NUP210L: variants seen among roughly 807,000 people sequenced by gnomAD.
NUP210L encodes the protein nucleoporin 210 like, also known as nuclear pore membrane glycoprotein 210-like.
A neutral mutation model predicts 208.5 loss-of-function variants in NUP210L; 74 were observed. The ratio of observed to expected loss-of-function variants is 0.35; its 90% CI spans 0.29 to 0.43. NUP210L has a LOEUF of 0.43. Ranked by LOEUF, NUP210L falls within the 20% of genes least tolerant of loss-of-function variation. The pLI is 1.00. For missense variants in NUP210L, 1,843 were observed against 2,289.4 expected (o/e 0.81, Z 3.98); for synonymous variants, 780 against 816.9 (o/e 0.95, Z 0.77).
chr1:154,010,348 C>T (rs1278770459), intron 34 of NUP210L, among the ~76,000 whole-genome samples: 2 of 152,048 alleles, frequency 1.3e-5, no homozygotes, highest in Non-Finnish European at 2.9e-5. Flanking sequence ...CAATGTCATA[C>T]ATAGGTAGTG....
chr1:154,123,757 A>G (rs1311379014), intron 10 of NUP210L, among the ~76,000 whole-genome samples: 1 of 151,910 alleles, frequency 6.6e-6, no homozygotes, highest in East Asian at 1.9e-4. Flanking sequence ...ATGATCCTGT[A>G]TTCCCAGCTA....
intron 13 of NUP210L, 85 bp downstream of exon 13, chr1:154,103,921 TAAAGAC>T: frequency 9.9e-7 from 1 of 1,014,718 alleles, no homozygotes; most frequent in Non-Finnish European, 1.5e-6. Flanking sequence ...ATTGCTTCCT[TAAAGAC>T]AAAGAAAGTA....
exon 35 of NUP210L, chr1:154,009,998 A>T (rs1650810331): frequency 6.2e-7 from 1 of 1,612,912 alleles, no homozygotes; most frequent in East Asian, 2.2e-5. Flanking sequence ...ATCTGAATGG[A>T]CCTGAAAGAC....
At chr1:154,148,836 C>T (rs1329289743) in intron 2 of NUP210L, among the ~76,000 whole-genome samples, 1 of 151,994 alleles carries the variant, frequency 6.6e-6, no homozygotes, top group Non-Finnish European at 1.5e-5. Context: ...GTAGAATTAC[C>T]ACTAAGGAAG....
intron 37 of NUP210L, among the ~76,000 whole-genome samples, chr1:153,998,050 G>A (rs576796505): frequency 9.9e-5 from 15 of 151,862 alleles, no homozygotes; most frequent in Non-Finnish European, 1.9e-4. Context: ...AAATCTGGCA[G>A]TAGGAACATG....
intron 22 of NUP210L, among the ~76,000 whole-genome samples, chr1:154,057,689 AATGTGTGT>A (rs1653939263): frequency 1.4e-5 from 1 of 70,346 alleles, no homozygotes; most frequent in South Asian, 6.7e-4. Context: ...GAGGACCTCG[AATGTGTGT>A]GTGTGTGTGT....
chr1:154,066,017 G>C (rs1654398613), intron 17 of NUP210L, among the ~76,000 whole-genome samples: 1 of 151,692 alleles, frequency 6.6e-6, no homozygotes, highest in Admixed American at 6.6e-5. Flanking sequence ...ACCTGCTCCT[G>C]AATGACTACC....
rs763269556 is a variant in NUP210L, at chr1:154,143,590, CA to C, written c.341-14del. ...TCATGGTCAGTCACTACAATGAACC[CA>C]AAAACTGAGTATTTAATTCAATAGG... On this transcript the variant is annotated splice_polypyrimidine_tract_variant and intron_variant, in intron 2 of 39. Transcript: ENST00000368559. 5 of 1,604,520 alleles carry C rather than the reference CA, an allele frequency of 3.1e-6. No homozygotes were observed. Among genetic ancestry groups the C allele is most frequent in the Non-Finnish European group, 4.3e-6 (5 of 1,175,432 alleles).
chr1:154,003,000 C>CTTAGCTGTCT (rs1553218917), intron 35 of NUP210L, among the ~76,000 whole-genome samples: 1 of 148,452 alleles, frequency 6.7e-6, no homozygotes, highest in Non-Finnish European at 1.5e-5. Context: ...ATGATTAATC[C>CTTAGCTGTCT]TTAGCTGTCT....
At chr1:154,082,000 A>G (rs1655359444) in intron 16 of NUP210L, among the ~76,000 whole-genome samples, 1 of 152,172 alleles carries the variant, frequency 6.6e-6, no homozygotes, top group South Asian at 2.1e-4. Flanking sequence ...AAAACATTGG[A>G]CACCAAAACT....
At chr1:154,115,045 C>T (rs1299750043) in intron 12 of NUP210L, among the ~76,000 whole-genome samples, 1 of 152,206 alleles carries the variant, frequency 6.6e-6, no homozygotes, top group East Asian at 1.9e-4. Flanking sequence ...TCCTGCTATT[C>T]TCAATACCAT....
chr1:154,136,911 ATCCATCTC>A (rs1658575467), intron 6 of NUP210L, among the ~76,000 whole-genome samples: 1 of 103,658 alleles, frequency 9.6e-6, no homozygotes, highest in African/African-American at 3.8e-5. Flanking sequence ...CAGAGTGAGA[ATCCATCTC>A]AAAAAAAAAA....
intron 12 of NUP210L, among the ~76,000 whole-genome samples, chr1:154,114,191 C>T (rs1232787331): frequency 6.6e-6 from 1 of 151,846 alleles, no homozygotes; most frequent in African/African-American, 2.4e-5. Flanking sequence ...GTCCCAGCTA[C>T]TTGGAAGGCT....
In NUP210L at chr1:154,005,568, C is replaced by G. The variant is rs1053514126; in HGVS notation, c.4931-3583G>C. Among the ~76,000 whole-genome samples, 12 of 151,226 alleles carry G rather than the reference C, an allele frequency of 7.9e-5. No individual in the cohort carries two copies. In the East Asian group the frequency reaches 9.9e-4, roughly 12 times the overall value. On this transcript the variant is annotated intron_variant, in intron 35 of 39. Transcript: ENST00000368559. ...GTTTGTTTTTTGAGATGGAGTTTTG[C>G]TCCTGTTGCCTAGGCTGGAGTGCAA...
chr1:154,029,957 T>C, exon 28 of NUP210L: 1 of 1,612,258 alleles, frequency 6.2e-7, no homozygotes, highest in East Asian at 2.2e-5. Context: ...AGAGGAACTG[T>C]TCATGCAGTG....
intron 16 of NUP210L, among the ~76,000 whole-genome samples, chr1:154,077,378 A>T (rs1655091631): frequency 6.6e-6 from 1 of 151,914 alleles, no homozygotes; most frequent in African/African-American, 2.4e-5. Flanking sequence ...AAAAATAAAT[A>T]AAAATAAAAT....
chr1:154,032,002 T>C (rs1652256598), intron 27 of NUP210L, among the ~76,000 whole-genome samples: 1 of 152,172 alleles, frequency 6.6e-6, no homozygotes, highest in Admixed American at 6.6e-5. Flanking sequence ...AGTGCTGGGA[T>C]TACAGGTGTG....
At chr1:154,080,278 T>A (rs939818846) in intron 16 of NUP210L, among the ~76,000 whole-genome samples, 16 of 151,714 alleles carry the variant, frequency 1.1e-4, no homozygotes, top group African/African-American at 3.4e-4. Context: ...GACAATCGTT[T>A]GAACCTGGGA....
At chr1:154,113,165 A>AT (rs34236591) in intron 12 of NUP210L, among the ~76,000 whole-genome samples, 94 of 126,282 alleles carry the variant, frequency 7.4e-4, no homozygotes, top group Middle Eastern at 4.1e-3. Flanking sequence ...CTTAAAAAAA[A>AT]AAATATATAT....
Sources: allele counts gnomAD v4.1 joint callset (sites outside exome capture counted in the v4.1 genomes callset), GRCh38; gene constraint gnomAD v4.1.1; transcripts MANE v1.5; gene names NCBI Gene and HGNC (gene_info 2026-07-23, HGNC 2026-07-21).